Variants in FBXL7 observed in about 807,000 individuals in gnomAD.
FBXL7 encodes the protein F-box and leucine rich repeat protein 7.
FBXL7 carries 12 observed loss-of-function variants against 38.3 expected under a neutral mutation model. The ratio of observed to expected loss-of-function variants is 0.31; its 90% CI spans 0.20 to 0.51. The LOEUF (loss-of-function observed/expected upper bound fraction) is 0.51, where lower values mean the gene tolerates loss of function less well. Among genes scored for constraint, FBXL7 ranks in the 20% least tolerant of loss-of-function variants. FBXL7 has a pLI of 0.98. For synonymous variants in FBXL7, 297 were observed against 300.9 expected (o/e 0.99, Z 0.13); for missense variants, 567 against 676.4 (o/e 0.84, Z 1.79).
chr5:15,777,212 A>G (rs1246734650), intron 2 of FBXL7, among the ~76,000 whole-genome samples: 4 of 152,088 alleles, frequency 2.6e-5, no homozygotes, highest in Admixed American at 6.6e-5. Context: ...TAGTAGTGGA[A>G]CTAGGGGCAA....
chr5:15,898,673 C>T (rs1003089919), intron 2 of FBXL7, among the ~76,000 whole-genome samples: 3 of 152,228 alleles, frequency 2.0e-5, no homozygotes, highest in African/African-American at 2.4e-5. Context: ...CAGTTCTTCA[C>T]CTGAAATAGT....
At chr5:15,905,519 G>T (rs914680064) in intron 2 of FBXL7, among the ~76,000 whole-genome samples, 2 of 151,466 alleles carry the variant, frequency 1.3e-5, no homozygotes, top group Non-Finnish European at 1.5e-5. Flanking sequence ...ATGGAAAAAT[G>T]GTGTTGTTTT....
chr5:15,692,058 T>C (rs979650740), intron 2 of FBXL7, among the ~76,000 whole-genome samples: 8 of 152,098 alleles, frequency 5.3e-5, no homozygotes, highest in African/African-American at 1.9e-4. Context: ...CTGCAGGCCA[T>C]GATGGGGTGA....
At chr5:15,507,093 G>A (rs896546254) in intron 1 of FBXL7, among the ~76,000 whole-genome samples, 11 of 151,638 alleles carry the variant, frequency 7.3e-5, no homozygotes, top group African/African-American at 2.7e-4. Flanking sequence ...CTCTTCAAAC[G>A]TAATATCCTA....
rs547937997 is a variant in FBXL7 at position 15,813,804 on chromosome 5, G to A, written c.128-114086G>A. 1.2e-4 allele frequency among the ~76,000 whole-genome samples: 18 copies of A among 152,246 alleles called. No homozygotes were observed. The South Asian group carries it at 3.5e-3, about 30-fold the overall frequency. On this transcript the variant is annotated intron_variant, in intron 2 of 3. Transcript: ENST00000504595. Reference sequence around the variant, plus strand: ...ACACTTCTCAAAAGAAGACATTTATGCGGTCAACAAACATGAAAAAAAAGC... The same window carrying A: ...ACACTTCTCAAAAGAAGACATTTATACGGTCAACAAACATGAAAAAAAAGC...
At chr5:15,719,357 G>A (rs866577224) in intron 2 of FBXL7, among the ~76,000 whole-genome samples, 1 of 122,696 alleles carries the variant, frequency 8.2e-6, no homozygotes, top group Non-Finnish European at 1.9e-5. Flanking sequence ...ATCATTTAAT[G>A]AGCATCTCTG....
At chr5:15,640,538 T>G (rs1047650972) in intron 2 of FBXL7, among the ~76,000 whole-genome samples, 1 of 151,810 alleles carries the variant, frequency 6.6e-6, no homozygotes, top group Non-Finnish European at 1.5e-5. Context: ...TTTTGTTTTT[T>G]TTTTTGAGGG....
At chr5:15,879,050 G>T (rs1740330705) in intron 2 of FBXL7, among the ~76,000 whole-genome samples, 2 of 152,054 alleles carry the variant, frequency 1.3e-5, no homozygotes, top group South Asian at 4.1e-4. Flanking sequence ...TAGTTTTCTG[G>T]GTAACAATTT....
intron 2 of FBXL7, among the ~76,000 whole-genome samples, chr5:15,618,795 C>A (rs1286179613): frequency 6.6e-6 from 1 of 152,166 alleles, no homozygotes; most frequent in African/African-American, 2.4e-5. Context: ...AAATTACCAG[C>A]GGCCTATCCC....
intron 2 of FBXL7, among the ~76,000 whole-genome samples, chr5:15,658,363 A>T (rs1403406581): frequency 3.9e-5 from 6 of 152,178 alleles, no homozygotes; most frequent in African/African-American, 1.4e-4. Context: ...CTCATCTTGA[A>T]TTGTAGTTCC....
intron 1 of FBXL7, among the ~76,000 whole-genome samples, chr5:15,545,233 A>G (rs1193803252): frequency 6.6e-6 from 1 of 152,212 alleles, no homozygotes; most frequent in Non-Finnish European, 1.5e-5. Flanking sequence ...TCTGGTACCA[A>G]TTCAGATAAC....
chr5:15,671,217 T>G (rs1042670869), intron 2 of FBXL7, among the ~76,000 whole-genome samples: 1 of 152,206 alleles, frequency 6.6e-6, no homozygotes, highest in Non-Finnish European at 1.5e-5. Flanking sequence ...TTGTCTGCTT[T>G]TTTTACAAGG....
intron 1 of FBXL7, among the ~76,000 whole-genome samples, chr5:15,600,511 A>G (rs747830256): frequency 2.0e-5 from 3 of 152,040 alleles, no homozygotes; most frequent in Non-Finnish European, 2.9e-5. Flanking sequence ...TTTATTTCTC[A>G]GTTATAATTC....
intron 2 of FBXL7, among the ~76,000 whole-genome samples, chr5:15,814,970 C>T (rs911450253): frequency 1.3e-5 from 2 of 152,098 alleles, no homozygotes; most frequent in Non-Finnish European, 2.9e-5. Flanking sequence ...CCTAAGCAGC[C>T]CCACTGGTGA....
intron 3 of FBXL7, among the ~76,000 whole-genome samples, chr5:15,935,556 G>A (rs534175974): frequency 6.6e-5 from 10 of 150,794 alleles, no homozygotes; most frequent in East Asian, 4.0e-4. Flanking sequence ...GGCAAGCTTC[G>A]AGTTCCGTTT....
At chr5:15,565,009 TA>T (rs1475967109) in intron 1 of FBXL7, among the ~76,000 whole-genome samples, 1 of 152,056 alleles carries the variant, frequency 6.6e-6, no homozygotes, top group Non-Finnish European at 1.5e-5. Context: ...GAATAGTAAA[TA>T]AAACCAAACA....
At chr5:15,780,115 G>A (rs1008001286) in intron 2 of FBXL7, among the ~76,000 whole-genome samples, 1 of 152,126 alleles carries the variant, frequency 6.6e-6, no homozygotes, top group Non-Finnish European at 1.5e-5. Context: ...GAGCTGAAGG[G>A]GAAGGGCAGT....
intron 2 of FBXL7, among the ~76,000 whole-genome samples, chr5:15,657,878 T>A (rs2126579883): frequency 6.6e-6 from 1 of 152,196 alleles, no homozygotes; most frequent in East Asian, 1.9e-4. Context: ...TTAAAATATT[T>A]GCTGACTAGG....
intron 2 of FBXL7, among the ~76,000 whole-genome samples, chr5:15,867,137 T>A (rs1739751123): frequency 6.6e-6 from 1 of 152,212 alleles, no homozygotes; most frequent in African/African-American, 2.4e-5. Flanking sequence ...GGATAAAGTT[T>A]CAGTACTCAC....
Sources: allele counts gnomAD v4.1 joint callset (sites outside exome capture counted in the v4.1 genomes callset), GRCh38; gene constraint gnomAD v4.1.1; transcripts MANE v1.5; gene names NCBI Gene and HGNC (gene_info 2026-07-23, HGNC 2026-07-21).